The following SUGCT variants were observed in gnomAD, a reference collection of about 807,000 sequenced individuals.
SUGCT encodes succinyl-CoA:glutarate CoA-transferase.
A neutral mutation model predicts 55.0 loss-of-function variants in SUGCT; 41 were observed. The observed-to-expected ratio is 0.74, with a 90% CI of 0.58 to 0.97. SUGCT has a LOEUF of 0.97. Among genes scored for constraint, SUGCT ranks in the 50% least tolerant of loss-of-function variants. The pLI, the probability that SUGCT is intolerant of heterozygous loss-of-function variation, is 0.00. For missense variants in SUGCT, 568 were observed against 547.8 expected, an observed-to-expected ratio of 1.04 and a Z score of -0.37; for synonymous variants, 187 against 200.4, an observed-to-expected ratio of 0.93 and a Z score of 0.56.
chr7:41,032,166 A>G, the SUGCT span, among the ~76,000 whole-genome samples: 11 of 152,098 alleles, frequency 7.2e-5, no homozygotes, highest in East Asian at 1.9e-4. Context: ...ACACACAACA[A>G]AAGAATTATC....
At chr7:40,477,371 C>G (rs1790757221) in intron 11 of SUGCT, among the ~76,000 whole-genome samples, 1 of 152,014 alleles carries the variant, frequency 6.6e-6, no homozygotes, top group South Asian at 2.1e-4. Flanking sequence ...TAGAGATTTC[C>G]AAAAGTGACT....
At chr7:40,537,968 T>C (rs1794459235) in intron 12 of SUGCT, among the ~76,000 whole-genome samples, 1 of 152,114 alleles carries the variant, frequency 6.6e-6, no homozygotes. Flanking sequence ...TCTGTGTTCT[T>C]TTTTTTGGTT....
chr7:40,946,732 G>T, the SUGCT span, among the ~76,000 whole-genome samples: 4 of 151,934 alleles, frequency 2.6e-5, no homozygotes, highest in Non-Finnish European at 5.9e-5. Context: ...TTTTTGGTTG[G>T]CAATTATTTT....
At chr7:40,457,776 A>C (rs1017376792) in intron 10 of SUGCT, among the ~76,000 whole-genome samples, 1 of 152,170 alleles carries the variant, frequency 6.6e-6, no homozygotes, top group Non-Finnish European at 1.5e-5. Context: ...TCACTGTGTA[A>C]TTTTTTGTTG....
chr7:40,758,145 T>G (rs1166744356), intron 13 of SUGCT, among the ~76,000 whole-genome samples: 1 of 151,738 alleles, frequency 6.6e-6, no homozygotes, highest in Non-Finnish European at 1.5e-5. Context: ...CTTGGCTTTA[T>G]GGTTGGGTTT....
intron 12 of SUGCT, among the ~76,000 whole-genome samples, chr7:40,548,863 A>G (rs140370929): frequency 1.5e-3 from 226 of 152,240 alleles, no homozygotes; most frequent in African/African-American, 4.8e-3. Context: ...CGGACACCCA[A>G]TCCATGTCTT....
At chr7:40,266,431 G>C (rs1791583318) in intron 7 of SUGCT, among the ~76,000 whole-genome samples, 1 of 151,800 alleles carries the variant, frequency 6.6e-6, no homozygotes, top group South Asian at 2.1e-4. Flanking sequence ...TTACAGATGT[G>C]AGCCACTGCG....
intron 9 of SUGCT, among the ~76,000 whole-genome samples, chr7:40,332,973 A>G (rs1796412221): frequency 6.6e-6 from 1 of 152,198 alleles, no homozygotes; most frequent in African/African-American, 2.4e-5. Flanking sequence ...TCTAGACAGC[A>G]AATTAACAGT....
At chr7:40,440,143 GTGTTTTTTTTTTTTTT>G (rs1254024948) in intron 9 of SUGCT, among the ~76,000 whole-genome samples, 2 of 102,410 alleles carry the variant, frequency 2.0e-5, no homozygotes, top group African/African-American at 8.3e-5. Context: ...CTGTGTGTGT[GTGTTTTTTTTTTTTTT>G]TTTTTTTTTT....
At chr7:40,940,870 C>T in the SUGCT span, among the ~76,000 whole-genome samples, 26 of 152,016 alleles carry the variant, frequency 1.7e-4, no homozygotes, top group East Asian at 4.4e-3. Context: ...TATTTCTTTC[C>T]CTTGCCTGAT....
intron 11 of SUGCT, among the ~76,000 whole-genome samples, chr7:40,470,584 T>C (rs2151469005): frequency 6.6e-6 from 1 of 152,282 alleles, no homozygotes; most frequent in East Asian, 1.9e-4. Context: ...TTTGTCATGT[T>C]TTCCCCAGTT....
At chr7:40,405,487 T>A (rs1786309605) in intron 9 of SUGCT, among the ~76,000 whole-genome samples, 1 of 152,064 alleles carries the variant, frequency 6.6e-6, no homozygotes, top group South Asian at 2.1e-4. Context: ...AGCTACTTAG[T>A]ATAGAAAATA....
intron 12 of SUGCT, among the ~76,000 whole-genome samples, chr7:40,509,191 A>G (rs1792788280): frequency 6.6e-6 from 1 of 152,182 alleles, no homozygotes; most frequent in Non-Finnish European, 1.5e-5. Context: ...AAACTATGTG[A>G]TTCATAAGCA....
chr7:41,007,823 C>CAAAAAAAA, the SUGCT span, among the ~76,000 whole-genome samples: 6 of 104,266 alleles, frequency 5.8e-5, no homozygotes, highest in Non-Finnish European at 9.2e-5. Context: ...AACTGAAATC[C>CAAAAAAAA]AAAAAAAAAA....
intron 9 of SUGCT, among the ~76,000 whole-genome samples, chr7:40,439,675 A>G (rs1038238186): frequency 2.6e-5 from 4 of 151,946 alleles, no homozygotes; most frequent in Non-Finnish European, 2.9e-5. Flanking sequence ...TAACTCCCCA[A>G]TCTTCTCTCA....
At chr7:40,293,531 T>C (rs566384888) in intron 8 of SUGCT, among the ~76,000 whole-genome samples, 128 of 152,344 alleles carry the variant, frequency 8.4e-4, no homozygotes, top group African/African-American at 3.0e-3. Flanking sequence ...TTATGATGTA[T>C]AAAAGTACCA....
At chr7:40,673,527 C>T (rs985960024) in intron 12 of SUGCT, among the ~76,000 whole-genome samples, 1 of 152,166 alleles carries the variant, frequency 6.6e-6, no homozygotes, top group Non-Finnish European at 1.5e-5. Flanking sequence ...TGCCTCAAAG[C>T]CTTCTTTTCC....
chr7:40,952,956 T>A, the SUGCT span, among the ~76,000 whole-genome samples: 5 of 152,190 alleles, frequency 3.3e-5, no homozygotes, highest in African/African-American at 1.2e-4. Flanking sequence ...TCGAGGAGTA[T>A]CTTTGTGGCC....
At chr7:40,595,537 G>C (rs1372818107) in intron 12 of SUGCT, among the ~76,000 whole-genome samples, 1 of 151,914 alleles carries the variant, frequency 6.6e-6, no homozygotes, top group East Asian at 1.9e-4. Flanking sequence ...TCTGGGACAG[G>C]GGCATGGAAA....
Sources: allele counts gnomAD v4.1 joint callset (sites outside exome capture counted in the v4.1 genomes callset), GRCh38; gene constraint gnomAD v4.1.1; transcripts MANE v1.5; gene names NCBI Gene and HGNC (gene_info 2026-07-23, HGNC 2026-07-21).